The following CDH12 variants were observed in gnomAD, a reference collection of about 807,000 sequenced individuals.
CDH12 encodes the protein cadherin-12.
In CDH12, 41 loss-of-function variants were observed where a neutral mutation model predicts 74.1. The observed-to-expected ratio is 0.55, with a 90% confidence interval of 0.43 to 0.72. CDH12 has a LOEUF of 0.72. Among genes scored for constraint, CDH12 ranks in the 30% least tolerant of loss-of-function variants. CDH12 has a pLI of 0.00. For synonymous variants in CDH12, 399 were observed against 355.0 expected, an observed-to-expected ratio of 1.12 and a Z score of -1.39; for missense variants, 945 against 977.2, an observed-to-expected ratio of 0.97 and a Z score of 0.44.
At chr5:21,811,597 A>G (rs958978337) in intron 9 of CDH12, among the ~76,000 whole-genome samples, 1 of 151,998 alleles carries the variant, frequency 6.6e-6, no homozygotes, top group Admixed American at 6.6e-5. Context: ...TTATTCTGTC[A>G]TTGTAAATGT....
chr5:22,157,018 A>T (rs1748063214), intron 4 of CDH12, among the ~76,000 whole-genome samples: 1 of 152,122 alleles, frequency 6.6e-6, no homozygotes, highest in African/African-American at 2.4e-5. Flanking sequence ...TAACAGGTGA[A>T]AAATGACATG....
intron 2 of CDH12, among the ~76,000 whole-genome samples, chr5:22,444,541 T>TC: frequency 1.4e-5 from 2 of 142,946 alleles, no homozygotes; most frequent in South Asian, 4.4e-4. Flanking sequence ...TTTTAACAGT[T>TC]TTTTTTTTTT....
intron 3 of CDH12, among the ~76,000 whole-genome samples, chr5:22,309,359 A>G (rs1738280721): frequency 6.6e-6 from 1 of 152,208 alleles, no homozygotes; most frequent in Non-Finnish European, 1.5e-5. Context: ...AGAAAAAGTG[A>G]AAAGAGAACA....
At chr5:22,425,908 C>A (rs1743911675) in intron 2 of CDH12, among the ~76,000 whole-genome samples, 1 of 151,992 alleles carries the variant, frequency 6.6e-6, no homozygotes, top group South Asian at 2.1e-4. Context: ...AATCTCATTT[C>A]CACACATTTG....
intron 3 of CDH12, among the ~76,000 whole-genome samples, chr5:22,251,875 T>C (rs185786836): frequency 1.7e-4 from 26 of 152,272 alleles, no homozygotes; most frequent in African/African-American, 6.3e-4. Context: ...AATATAGATG[T>C]ATTTTCTTGT....
intron 1 of CDH12, among the ~76,000 whole-genome samples, chr5:22,524,362 G>A (rs1234501700): frequency 1.3e-5 from 2 of 151,950 alleles, no homozygotes; most frequent in African/African-American, 4.8e-5. Context: ...CCTTTTGACT[G>A]CTTTTATTTA....
intron 4 of CDH12, chr5:22,141,413 G>T (rs1746784751): frequency 6.6e-6 from 1 of 152,196 alleles, no homozygotes; most frequent in African/African-American, 2.4e-5. Flanking sequence ...TGAGACCTGA[G>T]AAGTAAACAC....
At chr5:22,125,960 G>GC (rs1745835271) in intron 4 of CDH12, among the ~76,000 whole-genome samples, 1 of 132,558 alleles carries the variant, frequency 7.5e-6, no homozygotes, top group Non-Finnish European at 1.6e-5. Flanking sequence ...CACTTTCATT[G>GC]TTTTTTTTTT....
At chr5:22,792,234 G>A (rs989809122) in intron 1 of CDH12, among the ~76,000 whole-genome samples, 2 of 151,896 alleles carry the variant, frequency 1.3e-5, no homozygotes, top group South Asian at 2.1e-4. Flanking sequence ...GATTACAGGT[G>A]CCCGCCATCA....
rs529339735 is a variant in CDH12 at position 22,282,266 on chromosome 5, A to G, written c.-332-69623T>C. Among the ~76,000 whole-genome samples the G allele has an allele frequency of 9.2e-5, 14 of 152,230 alleles. 1 individual carries two copies. The South Asian group carries it at 2.5e-3, about 27-fold the overall frequency. On this transcript the variant is annotated intron_variant, in intron 3 of 14. Transcript: ENST00000382254. ...CTCAAGATGGATTACAGACTTAAAC[A>G]TACGACCTAAAAATCATAACAACCC...
At chr5:22,381,017 A>G (rs1332478765) in intron 3 of CDH12, among the ~76,000 whole-genome samples, 2 of 152,168 alleles carry the variant, frequency 1.3e-5, no homozygotes, top group African/African-American at 4.8e-5. Flanking sequence ...TGAGTTGCCT[A>G]TTTTTTTCTC....
intron 11 of CDH12, among the ~76,000 whole-genome samples, chr5:21,771,979 G>C (rs776253032): frequency 5.9e-5 from 9 of 152,068 alleles, no homozygotes; most frequent in Admixed American, 1.3e-4. Flanking sequence ...TGTTATTGCT[G>C]ATCAGTTGTG....
chr5:22,471,750 A>T (rs1745968763), intron 2 of CDH12, among the ~76,000 whole-genome samples: 1 of 152,208 alleles, frequency 6.6e-6, no homozygotes, highest in Non-Finnish European at 1.5e-5. Flanking sequence ...CATATGACAC[A>T]AATCAGTGAC....
chr5:22,072,506 A>T (rs944998137), intron 5 of CDH12, among the ~76,000 whole-genome samples: 2 of 150,950 alleles, frequency 1.3e-5, no homozygotes, highest in Non-Finnish European at 3.0e-5. Flanking sequence ...GACATTTCCC[A>T]ACAGTGTTTC....
At chr5:22,373,664 A>C (rs990161763) in intron 3 of CDH12, among the ~76,000 whole-genome samples, 1 of 152,232 alleles carries the variant, frequency 6.6e-6, no homozygotes, top group Non-Finnish European at 1.5e-5. Context: ...GCAAGGAAAT[A>C]ACAGATACAA....
intron 6 of CDH12, among the ~76,000 whole-genome samples, chr5:21,920,545 G>A (rs1437162105): frequency 6.6e-6 from 1 of 151,954 alleles, no homozygotes; most frequent in East Asian, 1.9e-4. Flanking sequence ...GGGGCCAGGG[G>A]AGGGAAAGCA....
chr5:21,812,563 T>C (rs1177949245), intron 9 of CDH12, among the ~76,000 whole-genome samples: 2 of 152,156 alleles, frequency 1.3e-5, no homozygotes, highest in Non-Finnish European at 2.9e-5. Flanking sequence ...CCCAAAAGCA[T>C]TCTGTACTTA....
At chr5:22,132,434 T>A (rs1244365388) in intron 4 of CDH12, among the ~76,000 whole-genome samples, 2 of 152,022 alleles carry the variant, frequency 1.3e-5, no homozygotes, top group African/African-American at 4.8e-5. Context: ...GCCACAGTTA[T>A]ATTACGCATC....
intron 6 of CDH12, among the ~76,000 whole-genome samples, chr5:21,954,722 G>A (rs528845797): frequency 4.5e-4 from 69 of 152,046 alleles, no homozygotes; most frequent in Non-Finnish European, 8.4e-4. Context: ...TGTAAAACAG[G>A]AGGGGTTTTA....
Sources: gnomAD v4.1 joint callset for allele counts (sites outside exome capture counted in the v4.1 genomes callset) on GRCh38, gnomAD v4.1.1 for gene constraint, MANE v1.5 for transcripts, NCBI Gene and HGNC (gene_info 2026-07-23, HGNC 2026-07-21) for gene names.